Variants in FBXW11 observed in about 807,000 individuals in gnomAD.
FBXW11 encodes the protein F-box and WD repeat domain containing 11, also known as F-box/WD repeat-containing protein 11.
In FBXW11, 19 loss-of-function variants were observed where a neutral mutation model predicts 77.6. The observed-to-expected ratio is 0.24, with a 90% CI of 0.17 to 0.36. The LOEUF is 0.36. FBXW11 is among the 10% of genes least tolerant of loss of function. The pLI is 1.00. For synonymous variants in FBXW11, 235 were observed against 249.4 expected, an observed-to-expected ratio of 0.94 and a Z score of 0.54; for missense variants, 334 against 704.2, an observed-to-expected ratio of 0.47 and a Z score of 5.95.
chr5:171,887,731 C>T (rs1158444810), intron 7 of FBXW11, among the ~76,000 whole-genome samples: 3 of 151,672 alleles, frequency 2.0e-5, no homozygotes, highest in African/African-American at 7.3e-5. Context: ...GATCCTGGCT[C>T]ACTGCAACCT....
At chr5:171,951,723 G>A (rs796177549) in intron 2 of FBXW11, among the ~76,000 whole-genome samples, 14 of 152,090 alleles carry the variant, frequency 9.2e-5, no homozygotes, top group African/African-American at 3.4e-4. Flanking sequence ...CATTTGCCTG[G>A]GCCTCCCAAA....
intron 2 of FBXW11, among the ~76,000 whole-genome samples, chr5:171,955,016 T>C (rs1306144265): frequency 3.3e-5 from 5 of 152,204 alleles, no homozygotes; most frequent in African/African-American, 9.6e-5. Flanking sequence ...TCAGTTTCCA[T>C]ATCAGAAAAT....
intron 1 of FBXW11, among the ~76,000 whole-genome samples, chr5:171,964,182 A>G (rs1764060390): frequency 6.6e-6 from 1 of 152,220 alleles, no homozygotes; most frequent in Admixed American, 6.5e-5. Context: ...GAGTAGACAC[A>G]AGAACCAGCA....
At chr5:171,909,785 G>C (rs1159296640) in intron 4 of FBXW11, among the ~76,000 whole-genome samples, 1 of 152,162 alleles carries the variant, frequency 6.6e-6, no homozygotes, top group African/African-American at 2.4e-5. Context: ...AGAGGATGCA[G>C]AAACAGCTTT....
intron 1 of FBXW11, among the ~76,000 whole-genome samples, chr5:171,985,113 T>C (rs1034502565): frequency 6.6e-6 from 1 of 152,184 alleles, no homozygotes; most frequent in Non-Finnish European, 1.5e-5. Flanking sequence ...CATTTCCTCC[T>C]CTTCATACCA....
chr5:171,998,098 G>C (rs1766172243), intron 1 of FBXW11, among the ~76,000 whole-genome samples: 1 of 152,088 alleles, frequency 6.6e-6, no homozygotes, highest in Admixed American at 6.6e-5. Context: ...CACAGTTCAA[G>C]GGTCAGAAAG....
intron 2 of FBXW11, among the ~76,000 whole-genome samples, chr5:171,936,847 A>G (rs1188772917): frequency 6.6e-6 from 1 of 152,184 alleles, no homozygotes; most frequent in Non-Finnish European, 1.5e-5. Context: ...TCACAAAGAA[A>G]TAAGTTCAAT....
chr5:171,878,553 AGTGTGT>A (rs34933781), intron 7 of FBXW11, among the ~76,000 whole-genome samples: 2 of 105,394 alleles, frequency 1.9e-5, no homozygotes, highest in Admixed American at 1.1e-4. Context: ...TCTCCATAAG[AGTGTGT>A]GAGTGTGTGT....
rs759682790 is a variant in FBXW11 at position 171,868,624 on chromosome 5, A to G, written c.*11T>C. On this transcript the variant is annotated 3_prime_UTR_variant, in exon 13 of 14. Coordinates refer to ENST00000517395, the MANE Select transcript of FBXW11 (RefSeq NM_001378974.1). ...ATAGTACTCACCTGAAACGGGTGAA[A>G]GTGCAGACTGTTATCTAGAGATGTA... is the stretch of plus-strand genomic sequence containing the variant. 4 of 1,609,520 alleles carry G rather than the reference A, an allele frequency of 2.5e-6. No homozygotes were observed. In the African/African-American group the frequency reaches 5.4e-5, roughly 22 times the overall value.
chr5:171,960,612 CA>C, intron 1 of FBXW11, among the ~76,000 whole-genome samples: 1 of 152,170 alleles, frequency 6.6e-6, no homozygotes, highest in South Asian at 2.1e-4. Flanking sequence ...TTCAGTAAAT[CA>C]AAAAATCACA....
intron 2 of FBXW11, among the ~76,000 whole-genome samples, chr5:171,954,843 T>C (rs932159855): frequency 3.3e-5 from 5 of 152,140 alleles, no homozygotes; most frequent in African/African-American, 1.2e-4. Flanking sequence ...CAGGTGTCAA[T>C]AGTGAGGTTT....
chr5:171,936,487 G>A, intron 2 of FBXW11, among the ~76,000 whole-genome samples: 1 of 135,926 alleles, frequency 7.4e-6, no homozygotes. Context: ...CATAGTGAGA[G>A]CCTGTCTCAC....
At chr5:171,998,471 A>G (rs115972186) in intron 1 of FBXW11, among the ~76,000 whole-genome samples, 2 of 150,208 alleles carry the variant, frequency 1.3e-5, no homozygotes, top group Non-Finnish European at 3.0e-5. Context: ...CCCCATGCCC[A>G]GCCTAAAGCC....
intron 1 of FBXW11, among the ~76,000 whole-genome samples, chr5:171,979,952 C>A (rs1171299414): frequency 6.6e-6 from 1 of 152,118 alleles, no homozygotes; most frequent in East Asian, 1.9e-4. Flanking sequence ...CAACTTAGAA[C>A]TTTTTAAAAG....
chr5:171,984,372 T>C (rs1346648718), intron 1 of FBXW11, among the ~76,000 whole-genome samples: 2 of 152,232 alleles, frequency 1.3e-5, no homozygotes, highest in East Asian at 3.9e-4. Flanking sequence ...CTGTTTATCC[T>C]CCAAAGCCGG....
intron 1 of FBXW11, among the ~76,000 whole-genome samples, chr5:171,981,378 A>G (rs1169311686): frequency 1.3e-5 from 2 of 152,230 alleles, no homozygotes; most frequent in East Asian, 3.8e-4. Context: ...GAGTTCTGTG[A>G]GCCTTTACAG....
chr5:171,921,551 T>C (rs1761598565), intron 2 of FBXW11, among the ~76,000 whole-genome samples: 1 of 152,024 alleles, frequency 6.6e-6, no homozygotes, highest in African/African-American at 2.4e-5. Context: ...GCAGAATGTT[T>C]TAATAAAACA....
intron 5 of FBXW11, among the ~76,000 whole-genome samples, chr5:171,899,661 A>G (rs1759983325): frequency 1.4e-5 from 2 of 148,092 alleles, no homozygotes; most frequent in African/African-American, 4.9e-5. Context: ...AATGTGAAGG[A>G]AAAAACATAA....
intron 1 of FBXW11, among the ~76,000 whole-genome samples, chr5:171,999,886 T>C (rs1258116865): frequency 1.3e-5 from 2 of 152,216 alleles, no homozygotes; most frequent in Non-Finnish European, 2.9e-5. Context: ...TTCCATTTTG[T>C]GAAGCTCTTC....
Sources: gnomAD v4.1 joint callset for allele counts (sites outside exome capture counted in the v4.1 genomes callset) on GRCh38, gnomAD v4.1.1 for gene constraint, MANE v1.5 for transcripts, NCBI Gene and HGNC (gene_info 2026-07-23, HGNC 2026-07-21) for gene names.